The following RYR2 variants were observed in gnomAD, a reference collection of about 807,000 sequenced individuals.
RYR2 encodes the protein ryanodine receptor 2, also known as cardiac muscle ryanodine receptor-calcium release channel.
In RYR2, 227 loss-of-function variants were observed where a neutral mutation model predicts 601.1. The ratio of observed to expected loss-of-function variants is 0.38; its 90% CI spans 0.34 to 0.42. The LOEUF is 0.42. Among genes scored for constraint, RYR2 ranks in the 10% least tolerant of loss-of-function variants. RYR2 has a pLI of 1.00. For synonymous variants in RYR2, 2,223 were observed against 2,175.1 expected (o/e 1.02, Z -0.61); for missense variants, 4,646 against 6,156.5 (o/e 0.75, Z 8.21).
chr1:237,331,800 C>T (rs1201875313), intron 3 of RYR2, among the ~76,000 whole-genome samples: 1 of 152,072 alleles, frequency 6.6e-6, no homozygotes, highest in Non-Finnish European at 1.5e-5. Flanking sequence ...AGGCGTGAGC[C>T]ACCGCGCCCA....
At chr1:237,700,577 T>C (rs1267866583) in intron 65 of RYR2, 110 bp downstream of exon 65, 3 of 627,114 alleles carry the variant, frequency 4.8e-6, no homozygotes, top group Non-Finnish European at 5.7e-6. Flanking sequence ...GTTTACATGT[T>C]AAAATGCCTT....
intron 2 of RYR2, among the ~76,000 whole-genome samples, chr1:237,279,830 A>G (rs992954815): frequency 6.6e-5 from 10 of 152,238 alleles, no homozygotes; most frequent in African/African-American, 2.4e-4. Context: ...TCTGGTATTC[A>G]TCATCGTGGA....
intron 27 of RYR2, among the ~76,000 whole-genome samples, chr1:237,551,399 C>T (rs1039036483): frequency 1.7e-4 from 26 of 151,816 alleles, no homozygotes; most frequent in Admixed American, 5.9e-4. Flanking sequence ...GGCATGGTGG[C>T]GGACACCTGT....
At position 237,417,032 on chromosome 1, in the gene RYR2, T is replaced by A; in HGVS notation, c.774-17T>A. 1 of 1,612,750 alleles carries A rather than the reference T, an allele frequency of 6.2e-7. No individual in the cohort carries two copies. Among genetic ancestry groups the A allele is most frequent in the Non-Finnish European group, 8.5e-7 (1 of 1,178,840 alleles). On this transcript the variant is annotated splice_polypyrimidine_tract_variant and intron_variant, in intron 10 of 104. Coordinates refer to ENST00000366574, the MANE Select transcript of RYR2 (RefSeq NM_001035.3). ...TGTTTAACTCACATTTGGGCTTTTG[T>A]TTGTTTGTTGAAACAGAACTGTTCA...
intron 60 of RYR2, among the ~76,000 whole-genome samples, chr1:237,676,329 G>A (rs1573472656): frequency 6.6e-6 from 1 of 152,114 alleles, no homozygotes. Context: ...TCAAATTTCT[G>A]AATAAACTAC....
chr1:237,660,805 T>C lies in RYR2; in HGVS notation c.8299-5T>C, dbSNP rs1412112144. 6.5e-7 allele frequency: 1 copy of C among 1,539,460 alleles called. No homozygotes were observed. The highest frequency in any genetic ancestry group is 8.8e-7 in the Non-Finnish European group (1 of 1,139,728). ...ATCTGTTGTTTCTTGTTTTTTCTTC[T>C]CTAGGAAAAAGAAATTTATCGCTGG... On this transcript the variant is annotated splice_polypyrimidine_tract_variant and splice_region_variant and intron_variant, in intron 55 of 104. Coordinates refer to ENST00000366574, the MANE Select transcript of RYR2 (RefSeq NM_001035.3).
At chr1:237,730,613 T>C (rs1455715463) in intron 77 of RYR2, among the ~76,000 whole-genome samples, 3 of 152,134 alleles carry the variant, frequency 2.0e-5, no homozygotes, top group African/African-American at 7.2e-5. Flanking sequence ...TAATTAAACA[T>C]GATTTAGTCT....
intron 1 of RYR2, among the ~76,000 whole-genome samples, chr1:237,195,782 C>A (rs1680496889): frequency 6.6e-6 from 1 of 152,076 alleles, no homozygotes; most frequent in African/African-American, 2.4e-5. Flanking sequence ...GGTAATACTG[C>A]CCACTTCATT....
chr1:237,572,043 T>C (rs2148298856), intron 29 of RYR2, among the ~76,000 whole-genome samples: 1 of 152,338 alleles, frequency 6.6e-6, no homozygotes, highest in Non-Finnish European at 1.5e-5. Context: ...TTAGGTCTTA[T>C]TCATTTTTTC....
chr1:237,708,262 G>T (rs1688545253), intron 68 of RYR2, among the ~76,000 whole-genome samples: 1 of 152,010 alleles, frequency 6.6e-6, no homozygotes, highest in South Asian at 2.1e-4. Flanking sequence ...TATTAATTTG[G>T]GTAGATGATT....
chr1:237,698,609 A>G (rs1364517127), intron 63 of RYR2, among the ~76,000 whole-genome samples: 6 of 152,192 alleles, frequency 3.9e-5, no homozygotes, highest in Non-Finnish European at 5.9e-5. Context: ...TTCATAAAGG[A>G]TATGAGCTGA....
chr1:237,305,457 G>A (rs1004506028), intron 2 of RYR2, among the ~76,000 whole-genome samples: 2 of 152,034 alleles, frequency 1.3e-5, no homozygotes, highest in African/African-American at 4.8e-5. Flanking sequence ...TTTGAGACAG[G>A]GTCTCACTCT....
intron 74 of RYR2, among the ~76,000 whole-genome samples, chr1:237,724,817 A>G (rs1573685373): frequency 2.0e-5 from 3 of 150,784 alleles, no homozygotes; most frequent in South Asian, 2.1e-4. Context: ...GTGTTTATAC[A>G]TATATATAGA....
intron 28 of RYR2, 64 bp from the exon 29 acceptor site, chr1:237,569,081 T>G: frequency 6.8e-7 from 1 of 1,473,260 alleles, no homozygotes; most frequent in Non-Finnish European, 9.3e-7. Context: ...CGTGACAGAG[T>G]GGTGGGTGGG....
chr1:237,596,847 G>A (rs541689017), intron 34 of RYR2, among the ~76,000 whole-genome samples: 1 of 152,328 alleles, frequency 6.6e-6, no homozygotes, highest in Non-Finnish European at 1.5e-5. Flanking sequence ...AGGGAAATGA[G>A]ATATATTCAA....
Position 237,785,950 on chromosome 1 carries a change from C to T in RYR2, c.13261-19C>T, listed in dbSNP as rs1228891015. The T allele has an allele frequency of 6.4e-7, 1 of 1,559,262 alleles. No homozygotes were observed. The highest frequency in any genetic ancestry group is 8.8e-7 in the Non-Finnish European group (1 of 1,140,320). ...TGATGGGTAATCCTGGTTTTCTTTT[C>T]CCCATTGACTCATTCAAGGAACAGA... On this transcript the variant is annotated intron_variant, in intron 90 of 104. Transcript: ENST00000366574.
intron 3 of RYR2, among the ~76,000 whole-genome samples, chr1:237,331,720 T>C (rs907593552): frequency 1.2e-4 from 18 of 151,798 alleles, no homozygotes; most frequent in African/African-American, 4.4e-4. Context: ...TTCACCATGT[T>C]GGCCAGGATG....
chr1:237,710,086 C>T (rs140918382), intron 70 of RYR2, among the ~76,000 whole-genome samples: 6 of 152,072 alleles, frequency 3.9e-5, no homozygotes, highest in South Asian at 2.1e-4. Context: ...TTCTAAAGTA[C>T]GTATTTGGTG....
At chr1:237,092,795 C>T (rs939953860) in intron 1 of RYR2, among the ~76,000 whole-genome samples, 18 of 152,126 alleles carry the variant, frequency 1.2e-4, no homozygotes, top group Middle Eastern at 3.2e-3. Flanking sequence ...CCTCCCAAAG[C>T]GCTGGGGTTA....
Sources: gnomAD v4.1 joint callset for allele counts (sites outside exome capture counted in the v4.1 genomes callset) on GRCh38, gnomAD v4.1.1 for gene constraint, MANE v1.5 for transcripts, NCBI Gene and HGNC (gene_info 2026-07-23, HGNC 2026-07-21) for gene names.